Variants in AUTS2 observed in about 807,000 individuals in gnomAD.
AUTS2 encodes autism susceptibility gene 2 protein.
AUTS2 carries 17 observed loss-of-function variants against 112.4 expected under a neutral mutation model. The ratio of observed to expected loss-of-function variants is 0.15; its 90% confidence interval spans 0.10 to 0.23. The LOEUF is 0.23. Ranked by LOEUF, AUTS2 falls within the 10% of genes least tolerant of loss-of-function variation. The probability of loss-of-function intolerance (pLI) is 1.00; values close to 1 mark genes in which losing one functional copy is unlikely to be tolerated. For synonymous variants in AUTS2, 751 were observed against 702.7 expected, an observed-to-expected ratio of 1.07 and a Z score of -1.09; for missense variants, 1,510 against 1,701.6, an observed-to-expected ratio of 0.89 and a Z score of 1.98.
At chr7:70,572,693 G>A (rs773449218) in intron 5 of AUTS2, among the ~76,000 whole-genome samples, 7 of 152,084 alleles carry the variant, frequency 4.6e-5, no homozygotes, top group African/African-American at 1.4e-4. Context: ...TGCCAGTGTC[G>A]GGATGTGGTG....
chr7:69,954,032 C>T (rs1322244778), intron 2 of AUTS2, among the ~76,000 whole-genome samples: 1 of 152,028 alleles, frequency 6.6e-6, no homozygotes, highest in African/African-American at 2.4e-5. Context: ...TCCATTCTTC[C>T]CCACCCCGTA....
At chr7:70,038,304 T>A (rs532906033) in intron 2 of AUTS2, among the ~76,000 whole-genome samples, 2 of 152,142 alleles carry the variant, frequency 1.3e-5, no homozygotes, top group African/African-American at 4.8e-5. Flanking sequence ...GGGAATAGAG[T>A]ATATTTTATT....
chr7:70,104,971 C>T (rs1804692111), intron 2 of AUTS2, among the ~76,000 whole-genome samples: 1 of 152,166 alleles, frequency 6.6e-6, no homozygotes, highest in Non-Finnish European at 1.5e-5. Flanking sequence ...TTACATTCAA[C>T]ATCAAAACAG....
At chr7:69,816,075 A>G (rs1050612456) in intron 1 of AUTS2, among the ~76,000 whole-genome samples, 4 of 152,206 alleles carry the variant, frequency 2.6e-5, no homozygotes, top group Admixed American at 1.3e-4. Flanking sequence ...TGCCTCTGAA[A>G]TCAAAGTACT....
chr7:69,919,456 A>G (rs1795721142), intron 2 of AUTS2, among the ~76,000 whole-genome samples: 1 of 152,210 alleles, frequency 6.6e-6, no homozygotes, highest in African/African-American at 2.4e-5. Context: ...CTTAAGAGGT[A>G]TCGCAGACAC....
At chr7:69,607,851 G>A (rs182010005) in intron 1 of AUTS2, among the ~76,000 whole-genome samples, 16 of 152,316 alleles carry the variant, frequency 1.1e-4, no homozygotes, top group Admixed American at 7.2e-4. Context: ...TGCAAGTATT[G>A]TGTGGCTGCT....
chr7:69,748,049 G>A (rs1787582113), intron 1 of AUTS2, among the ~76,000 whole-genome samples: 1 of 151,690 alleles, frequency 6.6e-6, no homozygotes, highest in Admixed American at 6.6e-5. Flanking sequence ...TTTTCTTTAG[G>A]GTTCCTTATT....
chr7:70,417,113 C>T (rs929313914), intron 4 of AUTS2, among the ~76,000 whole-genome samples: 2 of 152,156 alleles, frequency 1.3e-5, no homozygotes, highest in African/African-American at 2.4e-5. Flanking sequence ...AGACAGACTC[C>T]GAGATGGCAA....
chr7:69,928,298 C>T (rs1032846415), intron 2 of AUTS2, among the ~76,000 whole-genome samples: 8 of 152,196 alleles, frequency 5.3e-5, no homozygotes, highest in South Asian at 2.1e-4. Flanking sequence ...ACTTCTCACT[C>T]GGGGTTATGG....
chr7:69,842,960 C>T (rs1792044187), intron 1 of AUTS2, among the ~76,000 whole-genome samples: 1 of 152,108 alleles, frequency 6.6e-6, no homozygotes, highest in Non-Finnish European at 1.5e-5. Context: ...CTCAGAGATG[C>T]TGGGGGCTTG....
chr7:70,553,736 A>G (rs1801111110), intron 5 of AUTS2, among the ~76,000 whole-genome samples: 1 of 140,218 alleles, frequency 7.1e-6, no homozygotes, highest in African/African-American at 2.7e-5. Flanking sequence ...GTATTGGGAG[A>G]CCTTGAGAAA....
intron 5 of AUTS2, among the ~76,000 whole-genome samples, chr7:70,644,824 C>G (rs561153217): frequency 1.1e-4 from 16 of 152,172 alleles, no homozygotes; most frequent in Non-Finnish European, 1.9e-4. Flanking sequence ...TTGTATATTC[C>G]TCACCTGGCC....
At chr7:70,093,057 A>T (rs1804002520) in intron 2 of AUTS2, among the ~76,000 whole-genome samples, 1 of 152,194 alleles carries the variant, frequency 6.6e-6, no homozygotes, top group African/African-American at 2.4e-5. Context: ...TTTTAATAAA[A>T]ATTTCTTGTC....
chr7:70,386,659 T>G (rs550670113), intron 4 of AUTS2, among the ~76,000 whole-genome samples: 2 of 152,356 alleles, frequency 1.3e-5, no homozygotes, highest in East Asian at 1.9e-4. Context: ...AATGTTTTTT[T>G]CTAATATTCC....
chr7:70,326,309 C>T (rs1179137468), intron 4 of AUTS2, among the ~76,000 whole-genome samples: 2 of 152,208 alleles, frequency 1.3e-5, no homozygotes, highest in African/African-American at 2.4e-5. Flanking sequence ...CTCCACTTCT[C>T]CCAAGGCAGC....
In AUTS2 at chr7:70,363,528, G is replaced by T. The variant is rs1037381080; in HGVS notation, c.661-72224G>T. ...CTTATTTTTAATTGCTCTAAAATAAGTATTAATTTCTTAGAAAGAATTATT... is the reference window on the plus strand; with the variant it reads ...CTTATTTTTAATTGCTCTAAAATAATTATTAATTTCTTAGAAAGAATTATT... On this transcript the variant is annotated intron_variant, in intron 4 of 18. Transcript: ENST00000342771. 4.1e-5 allele frequency among the ~76,000 whole-genome samples: 6 copies of T among 147,994 alleles called. No homozygotes were observed. The East Asian group carries it at 1.2e-3, about 29-fold the overall frequency.
Position 69,759,232 on chromosome 7 carries a change from C to G in AUTS2, c.310-140054C>G, listed in dbSNP as rs115133579. The stretch of plus-strand genomic sequence containing the variant: ...TATCTCTTATCCGAATTGCTTGGGA[C>G]CAGAAGTGGTTCAGGTTTTTGATTT... On this transcript the variant is annotated intron_variant, in intron 1 of 18. Transcript: ENST00000342771. Among the ~76,000 whole-genome samples the G allele has an allele frequency of 2.9e-3, 442 of 151,904 alleles. 5 individuals are homozygous for G. The highest frequency in any genetic ancestry group is 0.01 in the African/African-American group (428 of 41,412).
At chr7:70,624,232 C>T (rs1321233620) in intron 5 of AUTS2, among the ~76,000 whole-genome samples, 3 of 152,184 alleles carry the variant, frequency 2.0e-5, no homozygotes, top group African/African-American at 7.2e-5. Flanking sequence ...GTGCTGGTCT[C>T]TCTGGAAGAA....
rs144306785 is a variant in AUTS2 at position 69,771,941 on chromosome 7, C to T, written c.310-127345C>T. On this transcript the variant is annotated intron_variant, in intron 1 of 18. Coordinates refer to ENST00000342771, the MANE Select transcript of AUTS2 (RefSeq NM_015570.4). ...CTGGGATTACAGGCATGCACCACCA[C>T]GCCCAGGTAATTTTTGTGTTTTTAG... 1.9e-3 allele frequency among the ~76,000 whole-genome samples: 291 copies of T among 152,064 alleles called. 9 individuals are homozygous for T. In the East Asian group the frequency reaches 0.051, roughly 26 times the overall value.
Sources: allele counts gnomAD v4.1 joint callset (sites outside exome capture counted in the v4.1 genomes callset), GRCh38; gene constraint gnomAD v4.1.1; transcripts MANE v1.5; gene names NCBI Gene and HGNC (gene_info 2026-07-23, HGNC 2026-07-21).